The following CADPS2 variants were observed in gnomAD, a reference collection of about 807,000 sequenced individuals.
CADPS2 encodes the protein calcium-dependent secretion activator 2.
Under a neutral mutation model 172.5 loss-of-function variants are expected in CADPS2, and 93 were observed. The ratio of observed to expected loss-of-function variants is 0.54; its 90% CI spans 0.46 to 0.64. The LOEUF (loss-of-function observed/expected upper bound fraction) is 0.64, where lower values mean the gene tolerates loss of function less well. Ranked by LOEUF, CADPS2 falls within the 30% of genes least tolerant of loss-of-function variation. The pLI is 0.00. For missense variants in CADPS2, 1,420 were observed against 1,565.9 expected (o/e 0.91, Z 1.57); for synonymous variants, 546 against 555.2 (o/e 0.98, Z 0.23).
intron 14 of CADPS2, among the ~76,000 whole-genome samples, chr7:122,454,193 G>C (rs2053479613): frequency 1.3e-5 from 2 of 152,114 alleles, no homozygotes; most frequent in Non-Finnish European, 2.9e-5. Context: ...CAAACATAAT[G>C]ATGAGCACTT....
rs57311950 is a variant in CADPS2 at position 122,432,643 on chromosome 7, T to TAAAAAA, written c.2476+5692_2476+5697dup. On this transcript the variant is annotated intron_variant, in intron 17 of 29. Transcript: ENST00000449022. ...GCAACAAGGCAAGACTCTGTTAAAATAAAAAAAAAAAAAAAAAAGAAAAAA... is the reference window on the plus strand; with the variant it reads ...GCAACAAGGCAAGACTCTGTTAAAATAAAAAAAAAAAAAAAAAAAAAAAAGAAAAAA... Among the ~76,000 whole-genome samples the TAAAAAA allele has an allele frequency of 1.5e-3, 161 of 107,416 alleles. 2 individuals carry two copies. The highest frequency in any genetic ancestry group is 0.01 in the Middle Eastern group (2 of 196). The allele number at this position is 107,416 out of a possible 152,430, so 70.5% of individuals were successfully genotyped here.
Position 122,645,226 on chromosome 7 carries a change from G to T in CADPS2, c.787-15898C>A, listed in dbSNP as rs147239936. 8.1e-3 allele frequency among the ~76,000 whole-genome samples: 335 copies of T among 41,402 alleles called. 2 individuals carry two copies. Among genetic ancestry groups the T allele is most frequent in the Middle Eastern group, 0.056 (4 of 72 alleles). 27.2% of individuals were successfully genotyped at this position (41,402 alleles called of 152,430 possible). ...TGTATATACATAAGTATATATATAC[G>T]CTAAGTATATATATACACACATGTA... On this transcript the variant is annotated intron_variant, in intron 3 of 29. Transcript: ENST00000449022.
chr7:122,832,432 G>A (rs973741436), intron 1 of CADPS2, among the ~76,000 whole-genome samples: 3 of 152,272 alleles, frequency 2.0e-5, no homozygotes, highest in Non-Finnish European at 2.9e-5. Flanking sequence ...GAAAAATGTG[G>A]TGACATTCAA....
intron 27 of CADPS2, among the ~76,000 whole-genome samples, chr7:122,346,034 C>T (rs2037588877): frequency 6.7e-6 from 1 of 149,798 alleles, no homozygotes; most frequent in Admixed American, 6.7e-5. Flanking sequence ...GTTGCAAATA[C>T]AATTTACTTT....
At chr7:122,730,387 T>C (rs1298349303) in intron 2 of CADPS2, among the ~76,000 whole-genome samples, 2 of 151,794 alleles carry the variant, frequency 1.3e-5, no homozygotes, top group Admixed American at 1.3e-4. Flanking sequence ...ATAATCTGTA[T>C]AAATAACCTA....
At chr7:122,345,908 C>T (rs1026022636) in intron 27 of CADPS2, among the ~76,000 whole-genome samples, 1 of 130,310 alleles carries the variant, frequency 7.7e-6, no homozygotes, top group East Asian at 2.6e-4. Context: ...AGTTGTAGAT[C>T]CGTAGATATC....
chr7:122,772,134 T>TA (rs1304542054), intron 1 of CADPS2, among the ~76,000 whole-genome samples: 1 of 152,212 alleles, frequency 6.6e-6, no homozygotes, highest in Non-Finnish European at 1.5e-5. Context: ...GTTAATGTAA[T>TA]ACTGCTTAGA....
At chr7:122,366,684 C>CAT (rs1563160970) in intron 25 of CADPS2, 2 of 99,248 alleles carry the variant, frequency 2.0e-5, no homozygotes, top group African/African-American at 3.7e-5. Context: ...TATATATATA[C>CAT]GTATATATAT....
At chr7:122,523,413 T>C (rs1447273744) in intron 8 of CADPS2, among the ~76,000 whole-genome samples, 2 of 152,264 alleles carry the variant, frequency 1.3e-5, no homozygotes, top group East Asian at 3.9e-4. Flanking sequence ...CAGTTTTTCC[T>C]GATATTTTTC....
At chr7:122,878,274 A>AAAAG (rs1395844128) in intron 1 of CADPS2, among the ~76,000 whole-genome samples, 8 of 150,038 alleles carry the variant, frequency 5.3e-5, no homozygotes, top group Non-Finnish European at 1.2e-4. Context: ...AAAAAAAAAA[A>AAAAG]AAAAGTGGGA....
intron 1 of CADPS2, among the ~76,000 whole-genome samples, chr7:122,795,146 A>AT (rs926253093): frequency 1.3e-5 from 2 of 151,580 alleles, no homozygotes; most frequent in African/African-American, 2.4e-5. Flanking sequence ...AGATTGAGAC[A>AT]TAAAAAAAAA....
intron 7 of CADPS2, among the ~76,000 whole-genome samples, chr7:122,559,973 G>A (rs2065534290): frequency 6.6e-6 from 1 of 151,794 alleles, no homozygotes; most frequent in South Asian, 2.1e-4. Context: ...GGGGCATCAG[G>A]GTCACATGGG....
chr7:122,616,394 CA>C (rs2074928721), intron 5 of CADPS2, among the ~76,000 whole-genome samples: 1 of 151,880 alleles, frequency 6.6e-6, no homozygotes, highest in Non-Finnish European at 1.5e-5. Flanking sequence ...CAAAAGGGCT[CA>C]AAAAACAAAC....
chr7:122,843,395 G>A (rs924941975), intron 1 of CADPS2, among the ~76,000 whole-genome samples: 9 of 152,132 alleles, frequency 5.9e-5, no homozygotes, highest in Non-Finnish European at 1.0e-4. Context: ...AGTTTAGGAC[G>A]ACTGACTGAC....
At chr7:122,834,585 C>A (rs771730926) in intron 1 of CADPS2, among the ~76,000 whole-genome samples, 5 of 152,178 alleles carry the variant, frequency 3.3e-5, no homozygotes, top group Non-Finnish European at 5.9e-5. Flanking sequence ...TCACTCCCAC[C>A]CTAATACTGC....
At chr7:122,417,937 A>G (rs1208635045) in intron 17 of CADPS2, among the ~76,000 whole-genome samples, 3 of 152,292 alleles carry the variant, frequency 2.0e-5, no homozygotes, top group African/African-American at 7.2e-5. Context: ...GTACAGTTTC[A>G]GGCGGGCAGA....
Position 122,320,095 on chromosome 7 carries a change from A to G in CADPS2, c.*70T>C. 1 of 1,323,466 alleles carries G rather than the reference A, an allele frequency of 7.6e-7. No homozygotes were observed. Among genetic ancestry groups the G allele is most frequent in the South Asian group, 2.4e-5 (1 of 42,118 alleles). The allele number at this position is 1,323,466 out of a possible 1,614,324, so 82.0% of individuals were successfully genotyped here. On this transcript the variant is annotated 3_prime_UTR_variant, in exon 30 of 30. Transcript: ENST00000449022. Reference sequence around the variant, plus strand: ...AAAACAAACAATGAATGTAATTACAAGGACAAGGTTAAAAAAATAAAAAAC... The same window carrying G: ...AAAACAAACAATGAATGTAATTACAGGGACAAGGTTAAAAAAATAAAAAAC...
chr7:122,549,059 G>A (rs1277846754), intron 8 of CADPS2, among the ~76,000 whole-genome samples: 5 of 152,146 alleles, frequency 3.3e-5, no homozygotes, highest in Non-Finnish European at 2.9e-5. Flanking sequence ...TTGTCTTCAA[G>A]CATTTTCTTT....
chr7:122,339,558 A>G (rs1405973791), intron 28 of CADPS2, among the ~76,000 whole-genome samples: 1 of 152,200 alleles, frequency 6.6e-6, no homozygotes, highest in Non-Finnish European at 1.5e-5. Flanking sequence ...TCTCACTTCA[A>G]AAAGTTTGGG....
Sources: allele counts gnomAD v4.1 joint callset (sites outside exome capture counted in the v4.1 genomes callset), GRCh38; gene constraint gnomAD v4.1.1; transcripts MANE v1.5; gene names NCBI Gene and HGNC (gene_info 2026-07-23, HGNC 2026-07-21).